Variants in UPRT observed in about 807,000 individuals in gnomAD.
UPRT encodes the protein RP11-311P8.3.
UPRT carries 5 observed loss-of-function variants against 22.6 expected under a neutral mutation model. The ratio of observed to expected loss-of-function variants is 0.22; its 90% CI spans 0.12 to 0.47. The LOEUF is 0.47. Ranked by LOEUF, UPRT falls within the 20% of genes least tolerant of loss-of-function variation. The pLI, the probability that UPRT is intolerant of heterozygous loss-of-function variation, is 0.99. For synonymous variants in UPRT, 77 were observed against 87.7 expected, an observed-to-expected ratio of 0.88 and a Z score of 0.68; for missense variants, 181 against 239.9, an observed-to-expected ratio of 0.75 and a Z score of 1.62.
chrX:75,161,721 A>G (rs1173553998), intron 2 of UPRT, among the ~76,000 whole-genome samples: 1 of 111,983 alleles, frequency 8.9e-6, no homozygotes, highest in East Asian at 2.8e-4. Flanking sequence ...ACTTACAGAC[A>G]TTAAAGAACT....
intron 1 of UPRT, among the ~76,000 whole-genome samples, chrX:75,156,900 C>A (rs917093082): frequency 7.7e-5 from 1 of 13,053 alleles, no homozygotes; most frequent in African/African-American, 1.3e-4. Flanking sequence ...GGGACAGTCT[C>A]ACACACACAC....
At chrX:75,247,070 G>T (rs1373795586) in intron 4 of UPRT, among the ~76,000 whole-genome samples, 4 of 111,540 alleles carry the variant, frequency 3.6e-5, no homozygotes, top group Non-Finnish European at 7.5e-5. Flanking sequence ...GAGACTGTAA[G>T]TCACTCTTCG....
intron 4 of UPRT, among the ~76,000 whole-genome samples, chrX:75,264,838 T>C (rs1025251175): frequency 3.6e-5 from 4 of 112,240 alleles, no homozygotes; most frequent in Admixed American, 9.5e-5. Flanking sequence ...CTTTCCATGT[T>C]GAGTGCTTCC....
chrX:75,161,588 G>A (rs1263595222), intron 2 of UPRT, among the ~76,000 whole-genome samples: 2 of 111,338 alleles, frequency 1.8e-5, no homozygotes, highest in African/African-American at 6.5e-5. Context: ...ATTAATTATC[G>A]AGTGCTTCAT....
rs184411495 is a variant in UPRT, at chrX:75,210,789, T to C, written c.-447+42910T>C. 1.5e-3 allele frequency among the ~76,000 whole-genome samples: 171 copies of C among 110,464 alleles called. 1 individual carries two copies. Among genetic ancestry groups the C allele is most frequent in the East Asian group, 8.6e-4 (3 of 3,488 alleles). On this transcript the variant is annotated intron_variant, in intron 4 of 13. Transcript: ENST00000652605. Reference sequence around the variant, plus strand: ...GGAGGATTTGAAAAGGTGAACATGATTGGTAGAGAGAGAGAGCTGCAAACA... The same window carrying C: ...GGAGGATTTGAAAAGGTGAACATGACTGGTAGAGAGAGAGAGCTGCAAACA...
intron 4 of UPRT, among the ~76,000 whole-genome samples, chrX:75,205,203 T>C (rs2082360889): frequency 9.4e-6 from 1 of 106,904 alleles, no homozygotes; most frequent in Middle Eastern, 4.8e-3. Context: ...ACCCCGTCTC[T>C]ACTAAAAATA....
rs781656997 is a variant in UPRT, at chrX:75,301,020, G to A, written c.823+55G>A. On this transcript the variant is annotated intron_variant, in intron 6 of 6. Transcript: ENST00000373383. ...CTCCATATAGTCCTGAGGTGGGTAA[G>A]TATGCATTTTCTAGCTTCTAATCCT... 6 of 882,146 alleles carry A rather than the reference G, an allele frequency of 6.8e-6. No individual in the cohort carries two copies. The South Asian group carries it at 1.2e-4, about 18-fold the overall frequency. The allele number at this position is 882,146 out of a possible 1,213,427, so 72.7% of individuals were successfully genotyped here. A position where few individuals can be genotyped will look rare whatever the true frequency, so the allele number is the denominator to read the frequency against.
chrX:75,272,323 T>TATATATGTATATATATATATACAC (rs1172523263), upstream of UPRT, among the ~76,000 whole-genome samples: 100 of 94,489 alleles, frequency 1.1e-3, 2 homozygotes, highest in African/African-American at 4.0e-3. Flanking sequence ...TATATATACA[T>TATATATGTATATATATATATACAC]ATATATGTAT....
chrX:75,178,704 G>T (rs2082258362), intron 4 of UPRT, among the ~76,000 whole-genome samples: 2 of 110,708 alleles, frequency 1.8e-5, no homozygotes, highest in African/African-American at 6.6e-5. Flanking sequence ...CCTCCCGGTG[G>T]GCTCGTGGTC....
chrX:75,207,333 T>C (rs947192285), intron 4 of UPRT, among the ~76,000 whole-genome samples: 2 of 112,002 alleles, frequency 1.8e-5, no homozygotes, highest in Non-Finnish European at 3.8e-5. Context: ...AGAGGTATTA[T>C]GGGGTGAAAG....
At chrX:75,234,174 C>G (rs1410504852) in intron 4 of UPRT, among the ~76,000 whole-genome samples, 1 of 110,842 alleles carries the variant, frequency 9.0e-6, no homozygotes, top group East Asian at 2.8e-4. Flanking sequence ...CAACAAAGAT[C>G]AAAAGAGACA....
At chrX:75,159,872 G>A (rs774017543) in intron 1 of UPRT, among the ~76,000 whole-genome samples, 1 of 104,506 alleles carries the variant, frequency 9.6e-6, no homozygotes, top group South Asian at 4.6e-4. Flanking sequence ...CGCCTCCCGG[G>A]TTCAAGCGAT....
intron 4 of UPRT, among the ~76,000 whole-genome samples, chrX:75,172,727 T>C (rs1034023941): frequency 5.4e-5 from 6 of 110,284 alleles, no homozygotes; most frequent in Non-Finnish European, 1.1e-4. Flanking sequence ...CTGCAGACTT[T>C]CGCGGTGAGT....
chrX:75,279,227 C>G (rs1423747240), intron 1 of UPRT, among the ~76,000 whole-genome samples: 1 of 111,621 alleles, frequency 9.0e-6, no homozygotes, highest in Non-Finnish European at 1.9e-5. Flanking sequence ...GAGAGCCTGA[C>G]CTAGCATTAC....
chrX:75,230,864 G>T (rs991757477), intron 4 of UPRT, among the ~76,000 whole-genome samples: 9 of 112,007 alleles, frequency 8.0e-5, no homozygotes, highest in Admixed American at 1.9e-4. Flanking sequence ...AATCAGTGCA[G>T]TCTGACTCTT....
chrX:75,188,463 C>T (rs1199736374), intron 4 of UPRT, among the ~76,000 whole-genome samples: 1 of 112,572 alleles, frequency 8.9e-6, no homozygotes, highest in East Asian at 2.8e-4. Context: ...GTAGAGGTTA[C>T]TGCTGTCTTT....
chrX:75,159,764 C>A (rs2082193301), intron 1 of UPRT, among the ~76,000 whole-genome samples: 1 of 96,382 alleles, frequency 1.0e-5, no homozygotes, highest in African/African-American at 3.6e-5. Flanking sequence ...ATGATACTTG[C>A]CTTAAATTTT....
chrX:75,245,916 C>A (rs1412136474), intron 4 of UPRT, among the ~76,000 whole-genome samples: 3 of 111,038 alleles, frequency 2.7e-5, no homozygotes, highest in Non-Finnish European at 3.8e-5. Context: ...GAATAACAAA[C>A]CTGCACATGT....
At chrX:75,225,474 ACTC>A (rs752500043) in intron 4 of UPRT, among the ~76,000 whole-genome samples, 33 of 110,143 alleles carry the variant, frequency 3.0e-4, no homozygotes, top group African/African-American at 1.0e-3. Flanking sequence ...ATGCAGTTTT[ACTC>A]CTCCTGAGAA....
Sources: gnomAD v4.1 joint callset for allele counts (sites outside exome capture counted in the v4.1 genomes callset) on GRCh38, gnomAD v4.1.1 for gene constraint, MANE v1.5 for transcripts, NCBI Gene and HGNC (gene_info 2026-07-23, HGNC 2026-07-21) for gene names.